Variants in GPR89A observed in about 807,000 individuals in gnomAD.
GPR89A encodes G protein-coupled receptor 89A.
A neutral mutation model predicts 52.0 loss-of-function variants in GPR89A; 16 were observed. The observed-to-expected ratio is 0.31, with a 90% CI of 0.21 to 0.47. The LOEUF is 0.47. GPR89A is among the 20% of genes least tolerant of loss of function. GPR89A has a pLI of 1.00. For missense variants in GPR89A, 135 were observed against 449.4 expected, an observed-to-expected ratio of 0.30 and a Z score of 6.33; for synonymous variants, 55 against 150.9, an observed-to-expected ratio of 0.36 and a Z score of 4.66.
chr1:145,611,447 G>A (rs1648273016), intron 1 of GPR89A: 4 of 151,310 alleles, frequency 2.6e-5, no homozygotes. Flanking sequence ...TGTGGTATTT[G>A]GTTTTCTGTT....
intron 1 of GPR89A, among the ~76,000 whole-genome samples, chr1:145,612,954 C>G (rs1190102381): frequency 1.3e-5 from 2 of 152,128 alleles, no homozygotes; most frequent in Non-Finnish European, 2.9e-5. Context: ...CCTCACTATT[C>G]AAAATTGTTT....
chr1:145,646,182 A>C lies in GPR89A; in HGVS notation c.728-2A>C, dbSNP rs2101806038. On this transcript the variant is annotated splice_acceptor_variant, in intron 8 of 13. Transcript: ENST00000313835. LOFTEE classifies it high-confidence loss of function. ...AAAACCTTGATGCCCATTCTGTGCC[A>C]GATCTTACTCTTATTCAACAGGAAG... The C allele has an allele frequency of 6.2e-7, 1 of 1,612,938 alleles. No individual in the cohort carries two copies. The highest frequency in any genetic ancestry group is 2.2e-5 in the East Asian group (1 of 44,880).
intron 10 of GPR89A, among the ~76,000 whole-genome samples, chr1:145,652,868 ATTC>A (rs1230806418): frequency 2.0e-5 from 3 of 147,518 alleles, no homozygotes; most frequent in Admixed American, 1.3e-4. Flanking sequence ...TGTCTGTTTG[ATTC>A]TTCTTCTTTA....
chr1:145,660,716 C>G (rs1559049297), intron 10 of GPR89A, among the ~76,000 whole-genome samples: 1 of 151,804 alleles, frequency 6.6e-6, no homozygotes, highest in Non-Finnish European at 1.5e-5. Flanking sequence ...TGCTCACCAT[C>G]ACTGGCCATC....
rs192188325 is a variant in GPR89A at position 145,666,488 on chromosome 1, A to G, written c.1095+837A>G. On this transcript the variant is annotated intron_variant, in intron 12 of 13. Coordinates refer to ENST00000313835, the MANE Select transcript of GPR89A (RefSeq NM_001097612.2). The stretch of plus-strand genomic sequence containing the variant: ...ATGTAGTTTTGTTATACATCATTTC[A>G]CTTAAAATCTCAGTTTCCAAGATCC... Among the ~76,000 whole-genome samples, 936 of 152,238 alleles carry G rather than the reference A, an allele frequency of 6.1e-3. 10 individuals carry two copies. The highest frequency in any genetic ancestry group is 0.021 in the African/African-American group (887 of 41,554).
rs1394590806 is a variant in GPR89A, at chr1:145,608,239, C to T, written c.42+64C>T. The T allele has an allele frequency of 2.5e-6, 4 of 1,600,992 alleles. No individual in the cohort carries two copies. The South Asian group carries it at 4.4e-5, about 18-fold the overall frequency. On this transcript the variant is annotated intron_variant, in intron 1 of 13. Coordinates refer to ENST00000313835, the MANE Select transcript of GPR89A (RefSeq NM_001097612.2). ...CCTTTACCGAATCGCCCTCTCCGGT[C>T]CTCCGCGGTGCGGGCTGGTCCGGGG...
intron 1 of GPR89A, among the ~76,000 whole-genome samples, chr1:145,614,021 A>G (rs587600007): frequency 1.3e-5 from 2 of 152,200 alleles, no homozygotes; most frequent in South Asian, 2.1e-4. Context: ...TCCTGGGCTC[A>G]AGCGATCTAC....
intron 9 of GPR89A, chr1:145,646,651 A>G: frequency 4.0e-6 from 1 of 247,398 alleles, no homozygotes; most frequent in Non-Finnish European, 7.7e-6. Flanking sequence ...GCCCTATTTT[A>G]AAGGATCCAG....
intron 3 of GPR89A, among the ~76,000 whole-genome samples, chr1:145,620,265 T>C (rs1258560973): frequency 2.0e-4 from 31 of 152,178 alleles, no homozygotes; most frequent in Admixed American, 2.0e-3. Context: ...TCTGCTGTTG[T>C]AGAGAGAAAA....
intron 10 of GPR89A, among the ~76,000 whole-genome samples, chr1:145,663,108 T>G (rs868935143): frequency 5.3e-5 from 8 of 152,134 alleles, no homozygotes; most frequent in South Asian, 2.1e-4. Flanking sequence ...ATTGACTCTT[T>G]ACAGAAAAGA....
rs1211163172 is a variant in GPR89A, at chr1:145,659,176, T to TTTTATTTA, written c.910-4134_910-4127dup. ...CATATGCTAAGTATATGTTTAACCT[T>TTTTATTTA]TTTATTTATTTATTTATTTATTTAT... On this transcript the variant is annotated intron_variant, in intron 10 of 13. Coordinates refer to ENST00000313835, the MANE Select transcript of GPR89A (RefSeq NM_001097612.2). Among the ~76,000 whole-genome samples the TTTTATTTA allele has an allele frequency of 6.6e-5, 10 of 151,916 alleles. No individual in the cohort carries two copies. The East Asian group carries it at 9.6e-4, about 15-fold the overall frequency.
Position 145,663,315 on chromosome 1 carries a change from C to T in GPR89A, c.910-14C>T, listed in dbSNP as rs782098514. The T allele has an allele frequency of 1.9e-6, 3 of 1,607,866 alleles. No homozygotes were observed. Among genetic ancestry groups the T allele is most frequent in the East Asian group, 2.2e-5 (1 of 44,814 alleles). On this transcript the variant is annotated splice_polypyrimidine_tract_variant and intron_variant, in intron 10 of 13. Coordinates refer to ENST00000313835, the MANE Select transcript of GPR89A (RefSeq NM_001097612.2). ...TGTTAAGATGCTCCAAGGTAAAAAT[C>T]TGCATCTTTGCAGGCTACCATCAAT...
At chr1:145,663,080 T>C (rs1448917521) in intron 10 of GPR89A, among the ~76,000 whole-genome samples, 1 of 152,210 alleles carries the variant, frequency 6.6e-6, no homozygotes, top group Non-Finnish European at 1.5e-5. Context: ...TAAGGCATAA[T>C]GCCGTAGCTT....
rs1387949409 is a variant in GPR89A, at chr1:145,628,168, T to A, written c.416-2519T>A. On this transcript the variant is annotated intron_variant, in intron 5 of 13. Coordinates refer to ENST00000313835, the MANE Select transcript of GPR89A (RefSeq NM_001097612.2). ...CCTCATAGAGATGACTCCAGGAATCTAAACAACTAGAAATCATCAACTAAA... is the reference window on the plus strand; with the variant it reads ...CCTCATAGAGATGACTCCAGGAATCAAAACAACTAGAAATCATCAACTAAA... Among the ~76,000 whole-genome samples, 9 of 151,604 alleles carry A rather than the reference T, an allele frequency of 5.9e-5. No individual in the cohort carries two copies. The South Asian group carries it at 1.0e-3, about 18-fold the overall frequency.
chr1:145,628,471 C>T (rs1184481060), intron 5 of GPR89A, among the ~76,000 whole-genome samples: 1 of 151,722 alleles, frequency 6.6e-6, no homozygotes, highest in South Asian at 2.1e-4. Flanking sequence ...ACCATAGTGT[C>T]GTAGTGGTTA....
intron 3 of GPR89A, among the ~76,000 whole-genome samples, chr1:145,619,904 A>C (rs1374550637): frequency 6.6e-6 from 1 of 152,008 alleles, no homozygotes; most frequent in Admixed American, 6.6e-5. Context: ...AGTCCCAGCT[A>C]CTTGGGGGGC....
At chr1:145,626,704 C>CT (rs1553689077) in intron 5 of GPR89A, among the ~76,000 whole-genome samples, 2 of 151,280 alleles carry the variant, frequency 1.3e-5, no homozygotes, top group Non-Finnish European at 2.9e-5. Context: ...AATCCCAGCA[C>CT]TTTGGGAGGC....
chr1:145,619,907 TGGG>T (rs1352177654), intron 3 of GPR89A, among the ~76,000 whole-genome samples: 1 of 151,648 alleles, frequency 6.6e-6, no homozygotes, highest in Non-Finnish European at 1.5e-5. Context: ...CCCAGCTACT[TGGG>T]GGGCTGAGGC....
intron 3 of GPR89A, among the ~76,000 whole-genome samples, chr1:145,619,802 T>C: frequency 6.6e-6 from 1 of 152,274 alleles, no homozygotes; most frequent in Middle Eastern, 3.4e-3. Context: ...GATCACGAGG[T>C]CAGGAGATCA....
Sources: gnomAD v4.1 joint callset for allele counts (sites outside exome capture counted in the v4.1 genomes callset) on GRCh38, gnomAD v4.1.1 for gene constraint, MANE v1.5 for transcripts, NCBI Gene and HGNC (gene_info 2026-07-23, HGNC 2026-07-21) for gene names.